ZC3H12B: variants seen among roughly 807,000 people sequenced by gnomAD.
ZC3H12B encodes the protein probable ribonuclease ZC3H12B.
In ZC3H12B, 7 loss-of-function variants were observed where a neutral mutation model predicts 43.9. The observed-to-expected ratio is 0.16, with a 90% confidence interval of 0.09 to 0.30. ZC3H12B has a LOEUF of 0.30. Among genes scored for constraint, ZC3H12B ranks in the 10% least tolerant of loss-of-function variants. The pLI, the probability that ZC3H12B is intolerant of heterozygous loss-of-function variation, is 1.00. For missense variants in ZC3H12B, 475 were observed against 670.2 expected (o/e 0.71, Z 3.22); for synonymous variants, 222 against 241.7 (o/e 0.92, Z 0.76).
chrX:65,406,873 C>T (rs1016871382), intron 3 of ZC3H12B, among the ~76,000 whole-genome samples: 63 of 112,533 alleles, frequency 5.6e-4, no homozygotes, highest in African/African-American at 2.0e-3. Context: ...CCGCGGCGAC[C>T]AAAATCTCCG....
At chrX:65,134,463 A>G in the ZC3H12B span, among the ~76,000 whole-genome samples, 4 of 111,799 alleles carry the variant, frequency 3.6e-5, no homozygotes, top group African/African-American at 1.3e-4. Flanking sequence ...TCTACTAGAG[A>G]GGAAAAAGAA....
chrX:65,411,887 A>G (rs906861177), intron 3 of ZC3H12B, among the ~76,000 whole-genome samples: 1 of 109,029 alleles, frequency 9.2e-6, no homozygotes, highest in Non-Finnish European at 1.9e-5. Flanking sequence ...CCACAAATAT[A>G]GACGCCCACA....
chrX:65,267,710 T>C, the ZC3H12B span, among the ~76,000 whole-genome samples: 1 of 111,847 alleles, frequency 8.9e-6, no homozygotes, highest in East Asian at 2.8e-4. Flanking sequence ...GGGGAATTTT[T>C]AAGTATCTTG....
chrX:65,234,566 A>C, the ZC3H12B span, among the ~76,000 whole-genome samples: 125 of 112,375 alleles, frequency 1.1e-3, 1 homozygote, highest in African/African-American at 4.0e-3. Context: ...CAGGACGTCA[A>C]ATTATTTTTG....
the ZC3H12B span, among the ~76,000 whole-genome samples, chrX:65,246,578 A>T: frequency 8.9e-6 from 1 of 112,246 alleles, no homozygotes; most frequent in Non-Finnish European, 1.9e-5. Context: ...GACCAATGGA[A>T]CAGAATAGAG....
intron 2 of ZC3H12B, among the ~76,000 whole-genome samples, chrX:65,378,809 C>T (rs1270867568): frequency 2.7e-5 from 3 of 112,697 alleles, no homozygotes; most frequent in African/African-American, 9.7e-5. Flanking sequence ...TGCAAGGGGT[C>T]AGGGAGTTCC....
At chrX:65,147,948 G>A in the ZC3H12B span, among the ~76,000 whole-genome samples, 5 of 110,105 alleles carry the variant, frequency 4.5e-5, no homozygotes, top group African/African-American at 1.7e-4. Context: ...GTACTTCCCT[G>A]GAGGCTAGAT....
chrX:65,205,247 A>C, the ZC3H12B span, among the ~76,000 whole-genome samples: 1 of 111,356 alleles, frequency 9.0e-6, no homozygotes, highest in Non-Finnish European at 1.9e-5. Context: ...CCCTTCTTTC[A>C]TAGCTGTCAC....
the ZC3H12B span, among the ~76,000 whole-genome samples, chrX:65,331,523 G>C: frequency 9.2e-6 from 1 of 109,260 alleles, no homozygotes; most frequent in Non-Finnish European, 1.9e-5. Flanking sequence ...AGGGTACAAA[G>C]CCTGTGAGAC....
the ZC3H12B span, among the ~76,000 whole-genome samples, chrX:65,070,278 C>G: frequency 9.0e-6 from 1 of 110,687 alleles, no homozygotes; most frequent in Non-Finnish European, 1.9e-5. Context: ...TCTGTGAGGT[C>G]AGTGGTAATG....
At chrX:65,416,814 G>A in intron 3 of ZC3H12B, among the ~76,000 whole-genome samples, 1 of 109,482 alleles carries the variant, frequency 9.1e-6, no homozygotes, top group Non-Finnish European at 1.9e-5. Context: ...CAAAATCTTA[G>A]GCCCACTCCA....
chrX:65,383,890 G>T (rs1264517708), intron 2 of ZC3H12B, among the ~76,000 whole-genome samples: 3 of 104,222 alleles, frequency 2.9e-5, no homozygotes, highest in Non-Finnish European at 5.9e-5. Flanking sequence ...AGAGGATGTG[G>T]AGAAATAGGA....
the ZC3H12B span, among the ~76,000 whole-genome samples, chrX:65,342,001 T>C: frequency 2.7e-5 from 3 of 110,717 alleles, no homozygotes; most frequent in East Asian, 5.7e-4. Context: ...CCCAATAATA[T>C]GCTGTCTTCA....
chrX:65,057,096 A>G, the ZC3H12B span, among the ~76,000 whole-genome samples: 8 of 111,666 alleles, frequency 7.2e-5, no homozygotes, highest in African/African-American at 2.6e-4. Flanking sequence ...ATTTAAGGTT[A>G]ATATTGTTAT....
intron 3 of ZC3H12B, among the ~76,000 whole-genome samples, chrX:65,448,971 G>GAAAGAAAAAGAAAGAAAGAAAGAAAGAA (rs2067424525): frequency 4.8e-5 from 4 of 83,933 alleles, no homozygotes; most frequent in Admixed American, 3.9e-4. Context: ...AAGAAAGAAA[G>GAAAGAAAAAGAAAGAAAGAAAGAAAGAA]AAAGAAAGAG....
chrX:65,251,408 C>T, the ZC3H12B span, among the ~76,000 whole-genome samples: 1 of 111,616 alleles, frequency 9.0e-6, no homozygotes, highest in Admixed American at 9.5e-5. Context: ...TTAGGATTGA[C>T]TTGGCAATGC....
intron 3 of ZC3H12B, among the ~76,000 whole-genome samples, chrX:65,455,893 G>A (rs1370450201): frequency 9.0e-6 from 1 of 111,521 alleles, no homozygotes; most frequent in East Asian, 2.8e-4. Flanking sequence ...CATAAGTGAA[G>A]GAGAAATAAA....
At chrX:65,230,438 G>C in the ZC3H12B span, among the ~76,000 whole-genome samples, 180 of 109,006 alleles carry the variant, frequency 1.7e-3, no homozygotes, top group Middle Eastern at 9.3e-3. Flanking sequence ...AATGCTAAAT[G>C]ACGAGTTAAT....
chrX:65,408,121 T>A, intron 3 of ZC3H12B: 1 of 1,200,086 alleles, frequency 8.3e-7, no homozygotes, highest in South Asian at 1.8e-5. Flanking sequence ...CGCACCAGGC[T>A]GCAGGCCAGC....
Sources: allele counts gnomAD v4.1 joint callset (sites outside exome capture counted in the v4.1 genomes callset), GRCh38; gene constraint gnomAD v4.1.1; transcripts MANE v1.5; gene names NCBI Gene and HGNC (gene_info 2026-07-23, HGNC 2026-07-21).